TMC2: variants seen among roughly 807,000 people sequenced by gnomAD.
TMC2 encodes transmembrane channel-like protein 2.
In TMC2, 102 loss-of-function variants were observed where a neutral mutation model predicts 105.9. The observed-to-expected ratio is 0.96, with a 90% confidence interval of 0.82 to 1.14. TMC2 has a LOEUF of 1.14. Ranked by LOEUF, TMC2 falls within the 50% of genes most tolerant of loss-of-function variation. The probability of loss-of-function intolerance (pLI) is 0.00; values close to 1 mark genes in which losing one functional copy is unlikely to be tolerated. For synonymous variants in TMC2, 402 were observed against 422.8 expected (o/e 0.95, Z 0.60); for missense variants, 1,093 against 1,134.3 (o/e 0.96, Z 0.52).
rs761894568 is a variant in TMC2, at chr20:2,610,599, G to A, written c.1593+1G>A. 1.3e-6 allele frequency: 2 copies of A among 1,574,828 alleles called. No homozygotes were observed. Among genetic ancestry groups the A allele is most frequent in the South Asian group, 1.2e-5 (1 of 86,272 alleles). Reference sequence around the variant, plus strand: ...CCTGATGGATGACGTCCACCTCAAGGTAAAAACCACAACACCCCCCACCCC... The same window carrying A: ...CCTGATGGATGACGTCCACCTCAAGATAAAAACCACAACACCCCCCACCCC... On this transcript the variant is annotated splice_donor_variant, in intron 12 of 19. Transcript: ENST00000358864. LOFTEE classifies it high-confidence loss of function.
At chr20:2,634,899 C>G (rs2086630463) in intron 17 of TMC2, among the ~76,000 whole-genome samples, 1 of 152,248 alleles carries the variant, frequency 6.6e-6, no homozygotes, top group Non-Finnish European at 1.5e-5. Context: ...GACCTACACT[C>G]TGCCCCAAAG....
At chr20:2,569,415 C>G (rs1487492434) in intron 4 of TMC2, among the ~76,000 whole-genome samples, 1 of 152,190 alleles carries the variant, frequency 6.6e-6, no homozygotes, top group Non-Finnish European at 1.5e-5. Flanking sequence ...AATGGTTCAA[C>G]TTATAATTTT....
chr20:2,589,699 T>G (rs374726186), intron 7 of TMC2, among the ~76,000 whole-genome samples: 3 of 152,162 alleles, frequency 2.0e-5, no homozygotes, highest in African/African-American at 7.2e-5. Context: ...AGACAAAGTC[T>G]CCCTCTGTCT....
chr20:2,548,896 A>G (rs751795629), intron 2 of TMC2, among the ~76,000 whole-genome samples: 11 of 152,344 alleles, frequency 7.2e-5, no homozygotes, highest in Non-Finnish European at 1.2e-4. Context: ...AGGAACCTAT[A>G]TAAGTCTAGA....
chr20:2,622,757 G>A (rs534234000), intron 16 of TMC2, among the ~76,000 whole-genome samples: 1 of 152,216 alleles, frequency 6.6e-6, no homozygotes, highest in South Asian at 2.1e-4. Flanking sequence ...ATGAGCCATT[G>A]TCGGTGAACT....
chr20:2,616,194 G>A lies in TMC2; in HGVS notation c.1930G>A (p.Gly644Arg), dbSNP rs902415135. The A allele has an allele frequency of 1.2e-6, 2 of 1,612,910 alleles. No individual in the cohort carries two copies. The highest frequency in any genetic ancestry group is 2.2e-5 in the East Asian group (1 of 44,870). Residue 644 changes from glycine to arginine, a missense_variant, in exon 15 of 20, where the codon GGA becomes AGA. Gly to Arg is a moderately radical substitution (Grantham distance 125). Coordinates refer to ENST00000358864, the MANE Select transcript of TMC2 (RefSeq NM_080751.3). The surrounding 1 kb of genome is among the most constrained non-coding windows in gnomAD (Gnocchi z 4.8). ...GNVLGLIFNQGMIWMGSFYAP... is the reference protein window; with the variant it reads ...GNVLGLIFNQRMIWMGSFYAP... ...TGTGCTGGGTTTGATCTTCAACCAAGGAATGATCTGGTGAGTTATCCATTT... is the reference window on the plus strand; with the variant it reads ...TGTGCTGGGTTTGATCTTCAACCAAAGAATGATCTGGTGAGTTATCCATTT...
At chr20:2,608,139 A>T (rs2086407525) in intron 11 of TMC2, among the ~76,000 whole-genome samples, 1 of 128,834 alleles carries the variant, frequency 7.8e-6, no homozygotes, top group South Asian at 2.1e-4. Context: ...AAAAAAAAGA[A>T]AAAAAGAAAT....
chr20:2,629,132 C>G (rs2086585298), intron 17 of TMC2, among the ~76,000 whole-genome samples: 1 of 151,956 alleles, frequency 6.6e-6, no homozygotes, highest in Admixed American at 6.6e-5. Context: ...ATACAGTCAC[C>G]CTATGAGTGT....
intron 5 of TMC2, among the ~76,000 whole-genome samples, chr20:2,575,703 GCCTCCCCCCACCCCCAT>G (rs1330189719): frequency 6.6e-6 from 1 of 150,920 alleles, no homozygotes; most frequent in Non-Finnish European, 1.5e-5. Flanking sequence ...GAAAAGGATT[GCCTCCCCCCACCCCCAT>G]CCCCCATATT....
Position 2,558,283 on chromosome 20 carries a change from G to A in TMC2, c.83-173G>A. 7.0e-7 allele frequency: 1 copy of A among 1,428,992 alleles called. No homozygotes were observed. The highest frequency in any genetic ancestry group is 9.2e-7 in the Non-Finnish European group (1 of 1,084,080). The allele number at this position is 1,428,992 out of a possible 1,614,324, so 88.5% of individuals were successfully genotyped here. A position where few individuals can be genotyped will look rare whatever the true frequency, so the allele number is the denominator to read the frequency against. On this transcript the variant is annotated intron_variant, in intron 2 of 19. Coordinates refer to ENST00000358864, the MANE Select transcript of TMC2 (RefSeq NM_080751.3). This position sits in a 1 kb window ranked among gnomAD's most constrained non-coding sequence, Gnocchi z 4.6. Reference sequence around the variant, plus strand: ...TCTGCAGTTTTCTTAGTTTCCTTCAGCTTAAAATACTCAACATGCCAAGGT... The same window carrying A: ...TCTGCAGTTTTCTTAGTTTCCTTCAACTTAAAATACTCAACATGCCAAGGT...
chr20:2,608,219 A>G (rs1212271963), intron 11 of TMC2, among the ~76,000 whole-genome samples: 1 of 149,996 alleles, frequency 6.7e-6, no homozygotes, highest in Non-Finnish European at 1.5e-5. Context: ...TGCATTCACC[A>G]TGAAAACCAT....
chr20:2,596,767 A>T (rs1408597264), intron 9 of TMC2, among the ~76,000 whole-genome samples: 1 of 151,714 alleles, frequency 6.6e-6, no homozygotes, highest in Non-Finnish European at 1.5e-5. Flanking sequence ...GTTCTATCCA[A>T]GAAAATAGAT....
intron 19 of TMC2, among the ~76,000 whole-genome samples, chr20:2,639,111 G>A (rs146657028): frequency 0.019 from 2,959 of 152,274 alleles, 95 homozygotes; most frequent in African/African-American, 0.067. Flanking sequence ...TGGCCAGGCC[G>A]TTCTTGAACT....
intron 11 of TMC2, among the ~76,000 whole-genome samples, chr20:2,606,887 TTTTC>T (rs575812886): frequency 0.024 from 2,539 of 107,630 alleles, 145 homozygotes; most frequent in African/African-American, 0.1. Flanking sequence ...TTAATTTCTT[TTTTC>T]TTTTTTTTTT....
intron 16 of TMC2, among the ~76,000 whole-genome samples, chr20:2,619,481 T>G (rs1043570884): frequency 1.3e-5 from 2 of 152,128 alleles, no homozygotes; most frequent in Non-Finnish European, 2.9e-5. Context: ...CAAGGCAGAT[T>G]AGCATGTAAA....
chr20:2,639,168 G>T (rs4815441), intron 19 of TMC2, among the ~76,000 whole-genome samples: 93,313 of 151,840 alleles, frequency 0.61, 29,042 homozygotes, highest in East Asian at 0.86. Flanking sequence ...GTGCTGGGAT[G>T]ACAGGCCTGA....
intron 2 of TMC2, among the ~76,000 whole-genome samples, chr20:2,545,168 C>A (rs1378911773): frequency 6.6e-6 from 1 of 152,068 alleles, no homozygotes; most frequent in Non-Finnish European, 1.5e-5. Flanking sequence ...GATGACTCCA[C>A]TACACTTCAC....
intron 2 of TMC2, among the ~76,000 whole-genome samples, chr20:2,538,429 G>T (rs1229715116): frequency 2.0e-5 from 3 of 152,118 alleles, no homozygotes; most frequent in African/African-American, 7.2e-5. Flanking sequence ...TATGCCCCAG[G>T]GTGGCCAGAC....
chr20:2,615,013 T>C (rs1568525525), intron 14 of TMC2, among the ~76,000 whole-genome samples: 1 of 152,134 alleles, frequency 6.6e-6, no homozygotes. Flanking sequence ...TTTTTTAACA[T>C]TTTAAAATAT....
Sources: gnomAD v4.1 joint callset for allele counts (sites outside exome capture counted in the v4.1 genomes callset) on GRCh38, gnomAD v4.1.1 for gene constraint, Gnocchi (gnomAD v3.1) non-coding constraint, MANE v1.5 for transcripts, NCBI Gene and HGNC (gene_info 2026-07-23, HGNC 2026-07-21) for gene names.